Variants in S100B observed in about 807,000 individuals in gnomAD.
S100B encodes protein S100-B.
S100B carries 6 observed loss-of-function variants against 7.7 expected under a neutral mutation model. The observed-to-expected ratio is 0.78, with a 90% CI of 0.43 to 1.54. The LOEUF is 1.54. S100B is among the 40% of genes most tolerant of loss of function. The pLI is 0.01. For missense variants in S100B, 99 were observed against 111.8 expected (o/e 0.89, Z 0.52); for synonymous variants, 36 against 40.4 (o/e 0.89, Z 0.41).
chr21:46,603,267 C>T (rs1253950356), intron 1 of S100B, among the ~76,000 whole-genome samples: 1 of 151,406 alleles, frequency 6.6e-6, no homozygotes, highest in Non-Finnish European at 1.5e-5. Context: ...TTTAACTGAT[C>T]AAATGGGTGT....
rs974100953 is a variant in S100B at position 46,603,191 on chromosome 21, G to A, written c.-1-775C>T. ...GAAAAATAAATATGGTAGAATTGCC[G>A]CAATCTTTTTGAAGAATAACAGTGA... On this transcript the variant is annotated intron_variant, in intron 1 of 2. Coordinates refer to ENST00000291700, the MANE Select transcript of S100B (RefSeq NM_006272.3). Among the ~76,000 whole-genome samples the A allele has an allele frequency of 1.1e-4, 16 of 151,706 alleles. No homozygotes were observed. The South Asian group carries it at 1.5e-3, about 14-fold the overall frequency.
Position 46,602,278 on chromosome 21 carries a change from C to T in S100B, c.138G>A (p.Glu46=). 6.2e-7 allele frequency: 1 copy of T among 1,612,972 alleles called. No homozygotes were observed. Among genetic ancestry groups the T allele is most frequent in the East Asian group, 2.2e-5 (1 of 44,874 alleles). The change falls in exon 2 of 3, where the codon GAG becomes GAA. Residue 46 remains glutamate (E), a splice_region_variant and synonymous_variant. Transcript: ENST00000291700. ...LINNELSHFL[E]EIKEQEVVDK... The stretch of plus-strand genomic sequence containing the variant: ...GTCAAGTTTAAAAAGCAAGACTCAC[C>T]TCTAAGAAATGGGAAAGCTCATTGT...
rs2061034665 is a variant in S100B at position 46,599,234 on chromosome 21, G to A, written c.*129C>T. 1 of 852,238 alleles carries A rather than the reference G, an allele frequency of 1.2e-6. No individual in the cohort carries two copies. The highest frequency in any genetic ancestry group is 2.4e-5 in the Admixed American group (1 of 42,320). 52.8% of individuals were successfully genotyped at this position (852,238 alleles called of 1,614,324 possible). On this transcript the variant is annotated 3_prime_UTR_variant, in exon 3 of 3. Coordinates refer to ENST00000291700, the MANE Select transcript of S100B (RefSeq NM_006272.3). ...AGGTTTTCAATTTTTCAATCACAAAGCAAATCAAGCTTCCTAATTAGCTAC... is the reference window on the plus strand; with the variant it reads ...AGGTTTTCAATTTTTCAATCACAAAACAAATCAAGCTTCCTAATTAGCTAC...
chr21:46,604,701 A>G (rs2061052539), intron 1 of S100B, among the ~76,000 whole-genome samples: 1 of 152,188 alleles, frequency 6.6e-6, no homozygotes, highest in South Asian at 2.1e-4. Context: ...TCAAATAGTT[A>G]CAGAAGAGGC....
At chr21:46,603,177 A>G (rs1269890193) in intron 1 of S100B, among the ~76,000 whole-genome samples, 3 of 151,896 alleles carry the variant, frequency 2.0e-5, no homozygotes, top group Non-Finnish European at 2.9e-5. Flanking sequence ...AAAAATAAAT[A>G]TGGTAGAATT....
rs192550187 is a variant in S100B at position 46,598,774 on chromosome 21, C to T, written c.*589G>A. 4.6e-5 allele frequency among the ~76,000 whole-genome samples: 7 copies of T among 152,330 alleles called. No homozygotes were observed. Among genetic ancestry groups the T allele is most frequent in the African/African-American group, 1.7e-4 (7 of 41,578 alleles). On this transcript the variant is annotated 3_prime_UTR_variant, in exon 3 of 3. Coordinates refer to ENST00000291700, the MANE Select transcript of S100B (RefSeq NM_006272.3). ...CACGCTGGAGCCCCCAGAGCTGGCTCGGATTGCGAGTTCTGATGGAGTTGC... is the reference window on the plus strand; with the variant it reads ...CACGCTGGAGCCCCCAGAGCTGGCTTGGATTGCGAGTTCTGATGGAGTTGC...
intron 1 of S100B, among the ~76,000 whole-genome samples, chr21:46,603,392 A>AGGGGGTGGGGGGAGGGGGGGCGGGGGGGG (rs796474856): frequency 1.0e-4 from 4 of 38,230 alleles, no homozygotes; most frequent in African/African-American, 4.1e-4. Flanking sequence ...GGACGGCGGG[A>AGGGGGTGGGGGGAGGGGGGGCGGGGGGGG]GGGGGTGGGG....
intron 2 of S100B, among the ~76,000 whole-genome samples, chr21:46,601,869 GA>G (rs2061042218): frequency 2.0e-5 from 3 of 152,378 alleles, no homozygotes; most frequent in Non-Finnish European, 4.4e-5. Flanking sequence ...TTTACTGAGT[GA>G]AAGTCTGGCA....
chr21:46,604,131 C>A (rs752792240), intron 1 of S100B, among the ~76,000 whole-genome samples: 11 of 152,140 alleles, frequency 7.2e-5, no homozygotes, highest in Admixed American at 1.3e-4. Flanking sequence ...TATTAGAACA[C>A]TAATAGAAAC....
chr21:46,599,588 G>A, intron 2 of S100B, 85 bp from the exon 3 acceptor site: 1 of 1,185,144 alleles, frequency 8.4e-7, no homozygotes, highest in Non-Finnish European at 1.3e-6. Flanking sequence ...GAGTGACTCT[G>A]ATAATTTGTG....
intron 2 of S100B, among the ~76,000 whole-genome samples, chr21:46,601,738 C>T (rs371310073): frequency 6.6e-6 from 1 of 152,240 alleles, no homozygotes; most frequent in East Asian, 1.9e-4. Flanking sequence ...AGACCCCTGT[C>T]ACGTCCTCAG....
At position 46,603,441 on chromosome 21, in the gene S100B, G is replaced by GC. The variant is rs937571681; in HGVS notation, c.-1-1026dup. 1.6e-4 allele frequency among the ~76,000 whole-genome samples: 24 copies of GC among 147,712 alleles called. No individual in the cohort carries two copies. In the East Asian group the frequency reaches 3.0e-3, roughly 18 times the overall value. On this transcript the variant is annotated intron_variant, in intron 1 of 2. Coordinates refer to ENST00000291700, the MANE Select transcript of S100B (RefSeq NM_006272.3). ...TTTCTCTGCAGCTGTCAAAGTAAGA[G>GC]CCCCCCTACCTCCCTCACAGCAAGT... is the stretch of plus-strand genomic sequence containing the variant.
At position 46,598,988 on chromosome 21, in the gene S100B, G is replaced by C. The variant is rs950199282; in HGVS notation, c.*375C>G. 4.8e-6 allele frequency: 1 copy of C among 206,972 alleles called. No homozygotes were observed. The highest frequency in any genetic ancestry group is 9.5e-6 in the Non-Finnish European group (1 of 105,628). 12.8% of individuals were successfully genotyped at this position (206,972 alleles called of 1,614,324 possible). ...GCTGGATAAGGCTTTGTTTTTTAAA[G>C]GTAGTGGAAGTTTTAAGGGTGCCCC... On this transcript the variant is annotated 3_prime_UTR_variant, in exon 3 of 3. Coordinates refer to ENST00000291700, the MANE Select transcript of S100B (RefSeq NM_006272.3).
intron 2 of S100B, chr21:46,600,428 CCCAG>C: frequency 2.4e-6 from 1 of 409,992 alleles, no homozygotes; most frequent in Non-Finnish European, 4.8e-6. Context: ...TGCCCGTATT[CCCAG>C]CTACTCAGGA....
At chr21:46,603,398 T>TGGGGGGGGAGGGGGGGC in intron 1 of S100B, among the ~76,000 whole-genome samples, 4 of 52,126 alleles carry the variant, frequency 7.7e-5, no homozygotes, top group Admixed American at 2.2e-4. Flanking sequence ...CGGGAGGGGG[T>TGGGGGGGGAGGGGGGGC]GGGGGCAGGA....
intron 1 of S100B, among the ~76,000 whole-genome samples, chr21:46,603,392 A>AGGGGGGGGTGGG (rs1555923741): frequency 1.3e-4 from 5 of 38,204 alleles, no homozygotes; most frequent in Non-Finnish European, 2.5e-4. Context: ...GGACGGCGGG[A>AGGGGGGGGTGGG]GGGGGTGGGG....
rs139684622 is a variant in S100B, at chr21:46,601,037, T to G, written c.138+1241A>C. Among the ~76,000 whole-genome samples the G allele has an allele frequency of 2.0e-5, 3 of 152,140 alleles. No individual in the cohort carries two copies. In the East Asian group the frequency reaches 5.8e-4, roughly 29 times the overall value. On this transcript the variant is annotated intron_variant, in intron 2 of 2. Coordinates refer to ENST00000291700, the MANE Select transcript of S100B (RefSeq NM_006272.3). ...ATGTGGGGACACCCTCTGCAAAGTT[T>G]CAGGCCTGTCTGCTCCACTCTGAAC... is the stretch of plus-strand genomic sequence containing the variant.
At chr21:46,603,392 A>AGGGGGCGGGGGG (rs1555923741) in intron 1 of S100B, among the ~76,000 whole-genome samples, 1 of 38,206 alleles carries the variant, frequency 2.6e-5, no homozygotes, top group African/African-American at 1.0e-4. Flanking sequence ...GGACGGCGGG[A>AGGGGGCGGGGGG]GGGGGTGGGG....
chr21:46,602,577 G>T, intron 1 of S100B, 161 bp from the exon 2 acceptor site: 2 of 647,918 alleles, frequency 3.1e-6, no homozygotes, highest in Non-Finnish European at 5.0e-6. Context: ...GGCATTCTGG[G>T]AATTTGCACT....
Sources: allele counts gnomAD v4.1 joint callset (sites outside exome capture counted in the v4.1 genomes callset), GRCh38; gene constraint gnomAD v4.1.1; transcripts MANE v1.5; gene names NCBI Gene and HGNC (gene_info 2026-07-23, HGNC 2026-07-21).